Variants in STK33 observed in about 807,000 individuals in gnomAD.
STK33 encodes serine/threonine kinase 33, also known as serine/threonine-protein kinase 33.
A neutral mutation model predicts 58.0 loss-of-function variants in STK33; 52 were observed. The ratio of observed to expected loss-of-function variants is 0.90; its 90% confidence interval spans 0.72 to 1.13. The LOEUF is 1.13. Ranked by LOEUF, STK33 falls within the 50% of genes most tolerant of loss-of-function variation. STK33 has a pLI of 0.00. For synonymous variants in STK33, 215 were observed against 200.1 expected (o/e 1.07, Z -0.63); for missense variants, 630 against 604.2 (o/e 1.04, Z -0.45).
At chr11:8,550,862 C>A (rs1354803550) in intron 1 of STK33, among the ~76,000 whole-genome samples, 2 of 152,156 alleles carry the variant, frequency 1.3e-5, no homozygotes, top group African/African-American at 4.8e-5. Context: ...CAACCCCTGC[C>A]TATTACCCGG....
the STK33 span, among the ~76,000 whole-genome samples, chr11:8,364,825 C>T: frequency 3.9e-5 from 6 of 152,192 alleles, no homozygotes; most frequent in Non-Finnish European, 7.3e-5. Context: ...GTTTTGCTCT[C>T]CTACGCATAT....
At chr11:8,516,941 T>C (rs1952848931) in intron 1 of STK33, among the ~76,000 whole-genome samples, 1 of 152,218 alleles carries the variant, frequency 6.6e-6, no homozygotes, top group Non-Finnish European at 1.5e-5. Flanking sequence ...CAGAAACTTC[T>C]GCAGACTTAA....
the STK33 span, among the ~76,000 whole-genome samples, chr11:8,358,317 C>T: frequency 6.6e-6 from 1 of 152,142 alleles, no homozygotes; most frequent in African/African-American, 2.4e-5. Context: ...AGCTGGGACC[C>T]CACCCTGCTC....
chr11:8,558,863 A>T (rs566636984), intron 1 of STK33, among the ~76,000 whole-genome samples: 11 of 152,224 alleles, frequency 7.2e-5, no homozygotes, highest in African/African-American at 1.9e-4. Flanking sequence ...TTTCAAAACA[A>T]GTGTTAATAT....
chr11:8,391,521 G>C (rs1590668777), downstream of STK33, among the ~76,000 whole-genome samples: 1 of 152,258 alleles, frequency 6.6e-6, no homozygotes, highest in African/African-American at 2.4e-5. Context: ...CAGCTGGCCA[G>C]ATGTGGGCCA....
intron 15 of STK33, among the ~76,000 whole-genome samples, chr11:8,401,058 C>T (rs76654428): frequency 6.6e-6 from 1 of 151,818 alleles, no homozygotes; most frequent in African/African-American, 2.4e-5. Flanking sequence ...GTAATTTATA[C>T]ATTCAATGCC....
chr11:8,444,789 C>G (rs542215467), intron 11 of STK33, among the ~76,000 whole-genome samples: 76 of 151,978 alleles, frequency 5.0e-4, no homozygotes, highest in African/African-American at 1.8e-3. Context: ...ATAATAGAAA[C>G]TTTATCCCCA....
intron 14 of STK33, among the ~76,000 whole-genome samples, chr11:8,418,942 T>A (rs1306313253): frequency 6.6e-6 from 1 of 152,100 alleles, no homozygotes; most frequent in Non-Finnish European, 1.5e-5. Flanking sequence ...TTAATGAGGT[T>A]GTTTTTTTTT....
intron 11 of STK33, among the ~76,000 whole-genome samples, chr11:8,450,639 T>TA (rs1946164066): frequency 6.6e-6 from 1 of 151,930 alleles, no homozygotes; most frequent in South Asian, 2.1e-4. Flanking sequence ...TTCAAGAAGT[T>TA]AAAAAAATTA....
intron 1 of STK33, among the ~76,000 whole-genome samples, chr11:8,567,728 C>T (rs1009365843): frequency 6.6e-6 from 1 of 152,102 alleles, no homozygotes; most frequent in African/African-American, 2.4e-5. Context: ...ATCCTTTAAA[C>T]CAAAAACAAA....
intron 1 of STK33, among the ~76,000 whole-genome samples, chr11:8,516,018 C>T (rs920560287): frequency 2.0e-5 from 3 of 152,128 alleles, no homozygotes; most frequent in Non-Finnish European, 2.9e-5. Flanking sequence ...AAACGCAATC[C>T]TTACCAATAT....
In STK33 at chr11:8,444,463, T is replaced by C. The variant is rs1464258649; in HGVS notation, c.872-3710A>G. Among the ~76,000 whole-genome samples, 4 of 152,296 alleles carry C rather than the reference T, an allele frequency of 2.6e-5. 1 individual carries two copies. In the South Asian group the frequency reaches 8.3e-4, roughly 32 times the overall value. On this transcript the variant is annotated intron_variant, in intron 11 of 15. Coordinates refer to ENST00000687296, the MANE Select transcript of STK33 (RefSeq NM_001352389.2). The stretch of plus-strand genomic sequence containing the variant: ...AAACATTTTTATGTTTTGTTCACTG[T>C]TGTATTTTTAATACCTAGAACAATG...
chr11:8,586,185 C>G (rs2141466312), intron 1 of STK33, among the ~76,000 whole-genome samples: 1 of 146,350 alleles, frequency 6.8e-6, no homozygotes, highest in East Asian at 2.0e-4. Flanking sequence ...CCACTCCACT[C>G]TAGCCTGGTC....
At chr11:8,378,395 G>A in the STK33 span, among the ~76,000 whole-genome samples, 2 of 152,340 alleles carry the variant, frequency 1.3e-5, no homozygotes, top group Admixed American at 6.5e-5. Context: ...GTGCATGCCT[G>A]TAATCCCATC....
intron 14 of STK33, among the ~76,000 whole-genome samples, chr11:8,428,932 T>C (rs1943090865): frequency 6.6e-6 from 1 of 151,792 alleles, no homozygotes; most frequent in Non-Finnish European, 1.5e-5. Flanking sequence ...TATAGAGCCT[T>C]AGAGTCCCAG....
chr11:8,362,465 C>T, the STK33 span, among the ~76,000 whole-genome samples: 5 of 151,916 alleles, frequency 3.3e-5, no homozygotes, highest in African/African-American at 4.8e-5. Flanking sequence ...TGGGGCTGAT[C>T]GGGAAATATA....
intron 14 of STK33, among the ~76,000 whole-genome samples, chr11:8,433,652 G>A (rs1943682295): frequency 6.6e-6 from 1 of 152,116 alleles, no homozygotes; most frequent in South Asian, 2.1e-4. Context: ...TTCTCCTACA[G>A]TCTTCCATAT....
chr11:8,521,647 G>A (rs1022080284), intron 1 of STK33, among the ~76,000 whole-genome samples: 4 of 152,108 alleles, frequency 2.6e-5, no homozygotes, highest in African/African-American at 9.7e-5. Context: ...AAACTAAAGA[G>A]CTTCTGCACA....
At chr11:8,442,821 G>A (rs899602591) in intron 11 of STK33, among the ~76,000 whole-genome samples, 4 of 152,156 alleles carry the variant, frequency 2.6e-5, no homozygotes, top group African/African-American at 4.8e-5. Context: ...ACATGGATAA[G>A]TCTCAAAATC....
Sources: allele counts gnomAD v4.1 joint callset (sites outside exome capture counted in the v4.1 genomes callset), GRCh38; gene constraint gnomAD v4.1.1; transcripts MANE v1.5; gene names NCBI Gene and HGNC (gene_info 2026-07-23, HGNC 2026-07-21).